The following NUDCD1 variants were observed in gnomAD, a reference collection of about 807,000 sequenced individuals.
NUDCD1 encodes the protein nudC domain-containing protein 1.
NUDCD1 carries 60 observed loss-of-function variants against 67.8 expected under a neutral mutation model. That is an observed-to-expected ratio of 0.88 (90% CI 0.72 to 1.10). The LOEUF (loss-of-function observed/expected upper bound fraction) is 1.10. NUDCD1 is among the 50% of genes least tolerant of loss of function. NUDCD1 has a pLI of 0.00. For missense variants in NUDCD1, 643 were observed against 695.0 expected (o/e 0.93, Z 0.84); for synonymous variants, 244 against 230.8 (o/e 1.06, Z -0.52).
At chr8:109,292,298 A>C (rs1011421956) in intron 4 of NUDCD1, among the ~76,000 whole-genome samples, 4 of 152,098 alleles carry the variant, frequency 2.6e-5, no homozygotes, top group Admixed American at 2.0e-4. Context: ...TTAAAGTTTA[A>C]AGTTACTGTG....
chr8:109,244,909 C>T (rs987580014), intron 9 of NUDCD1, among the ~76,000 whole-genome samples: 1 of 152,046 alleles, frequency 6.6e-6, no homozygotes, highest in Non-Finnish European at 1.5e-5. Context: ...AAGATGTCTC[C>T]TAATGTGCAT....
At chr8:109,311,557 G>GTATATATATATA (rs569380890) in intron 2 of NUDCD1, among the ~76,000 whole-genome samples, 3 of 62,686 alleles carry the variant, frequency 4.8e-5, no homozygotes, top group Admixed American at 1.5e-4. Flanking sequence ...AGAAACTGTG[G>GTATATATATATA]TGTATATATA....
At chr8:109,285,810 G>A (rs906706940) in intron 5 of NUDCD1, among the ~76,000 whole-genome samples, 2 of 152,082 alleles carry the variant, frequency 1.3e-5, no homozygotes, top group Non-Finnish European at 2.9e-5. Flanking sequence ...GTACTAACCA[G>A]AGCAATCAGG....
intron 1 of NUDCD1, among the ~76,000 whole-genome samples, chr8:109,324,120 G>C (rs887368772): frequency 2.6e-5 from 4 of 151,520 alleles, no homozygotes; most frequent in Non-Finnish European, 4.4e-5. Flanking sequence ...AAACAACCTA[G>C]TGAAGAGACA....
At chr8:109,253,585 T>A (rs1023850582) in intron 8 of NUDCD1, among the ~76,000 whole-genome samples, 1 of 152,202 alleles carries the variant, frequency 6.6e-6, no homozygotes. Context: ...GCTCACATCA[T>A]GACTTGAGAT....
chr8:109,291,192 T>C (rs1283846171), intron 4 of NUDCD1, among the ~76,000 whole-genome samples: 1 of 152,234 alleles, frequency 6.6e-6, no homozygotes, highest in Non-Finnish European at 1.5e-5. Flanking sequence ...GGTCTTACCC[T>C]GTTGCCCAAG....
intron 8 of NUDCD1, among the ~76,000 whole-genome samples, chr8:109,256,699 C>T (rs1813748404): frequency 6.6e-6 from 1 of 151,942 alleles, no homozygotes; most frequent in African/African-American, 2.4e-5. Flanking sequence ...CTAGACATCA[C>T]ATAATGAAAT....
chr8:109,248,222 C>T (rs953101296), intron 8 of NUDCD1, among the ~76,000 whole-genome samples: 1 of 152,146 alleles, frequency 6.6e-6, no homozygotes, highest in African/African-American at 2.4e-5. Context: ...TGGATTCTCC[C>T]CTAGAGCCTC....
intron 2 of NUDCD1, chr8:109,313,861 C>A: frequency 9.4e-7 from 1 of 1,059,662 alleles, no homozygotes; most frequent in Non-Finnish European, 1.3e-6. Flanking sequence ...GTACAATATC[C>A]AATAGAATGA....
At chr8:109,294,815 C>G (rs749181570) in intron 3 of NUDCD1, among the ~76,000 whole-genome samples, 3 of 151,992 alleles carry the variant, frequency 2.0e-5, no homozygotes, top group Non-Finnish European at 4.4e-5. Context: ...CCACCACCAC[C>G]CTTGGCCCCC....
rs143668430 is a variant in NUDCD1 at position 109,281,082 on chromosome 8, T to G, written c.914A>C (p.Gln305Pro). 1.2e-6 allele frequency: 2 copies of G among 1,612,916 alleles called. No individual in the cohort carries two copies. Among genetic ancestry groups the G allele is most frequent in the African/African-American group, 2.7e-5 (2 of 74,900 alleles). ...EDSTKEDIQI[Q>P]FLPDHINIVL... The stretch of plus-strand genomic sequence containing the variant: ...AATGTTGATGTGATCAGGCAAAAAC[T>G]GTATTTGAATGTCCTCCTTAGTACT... Residue 305 changes from glutamine (Q) to proline (P), a missense_variant, in exon 6 of 10, where the codon CAG (glutamine) becomes CCG (proline). Coordinates refer to ENST00000239690, the MANE Select transcript of NUDCD1 (RefSeq NM_032869.4).
intron 2 of NUDCD1, among the ~76,000 whole-genome samples, chr8:109,318,995 T>C (rs1240845399): frequency 6.7e-6 from 1 of 149,168 alleles, no homozygotes; most frequent in African/African-American, 2.5e-5. Context: ...TCTTGCTCTG[T>C]GGCCCAGGCT....
Position 109,243,266 on chromosome 8 carries a change from A to T in NUDCD1, c.1495T>A (p.Phe499Ile). 1 of 1,602,066 alleles carries T rather than the reference A, an allele frequency of 6.2e-7. No homozygotes were observed. Residue 499 changes from phenylalanine to isoleucine, a missense_variant, in exon 10 of 10, where the codon TTT becomes ATT. By Grantham distance (21) the Phe-to-Ile change is conservative (BLOSUM62 0). Coordinates refer to ENST00000239690, the MANE Select transcript of NUDCD1 (RefSeq NM_032869.4). ...TACGAGTAATTTGGAGCACAGGCAAAAAATTTTTTGTCTCTCTTTGATGCT... is the reference window on the plus strand; with the variant it reads ...TACGAGTAATTTGGAGCACAGGCAATAAATTTTTTGTCTCTCTTTGATGCT... ...VQASKRDKKF[F>I]ACAPNYSYAA...
intron 3 of NUDCD1, among the ~76,000 whole-genome samples, chr8:109,295,559 T>A (rs976285899): frequency 5.9e-5 from 9 of 152,126 alleles, no homozygotes; most frequent in Admixed American, 5.9e-4. Flanking sequence ...AACCATTTGG[T>A]TCTAAGACCT....
chr8:109,266,801 G>A (rs1315340562), intron 8 of NUDCD1, among the ~76,000 whole-genome samples: 1 of 151,938 alleles, frequency 6.6e-6, no homozygotes, highest in Non-Finnish European at 1.5e-5. Flanking sequence ...ATTCAGTTCT[G>A]ATATTTAATA....
In NUDCD1 at chr8:109,281,019, T is replaced by C. The variant is rs1554614062; in HGVS notation, c.977A>G (p.Tyr326Cys). The change falls in exon 6 of 10, where the codon TAT (tyrosine) becomes TGT (cysteine). Residue 326 changes from tyrosine to cysteine, a missense_variant. Tyr to Cys is a radical substitution (Grantham distance 194). Coordinates refer to ENST00000239690, the MANE Select transcript of NUDCD1 (RefSeq NM_032869.4). ...ACTGCTTTCATGATCAATAGATGAA[T>C]AGAGTTTTCCTTCTAAAAACTGGTG... ...KDHQFLEGKL[Y>C]SSIDHESSTW... 10 of 1,610,300 alleles carry C rather than the reference T, an allele frequency of 6.2e-6. No homozygotes were observed. The highest frequency in any genetic ancestry group is 4.4e-5 in the South Asian group (4 of 90,984).
chr8:109,289,877 G>A lies in NUDCD1; in HGVS notation c.697C>T (p.His233Tyr). The change falls in exon 5 of 10, where the codon CAT (histidine) becomes TAT (tyrosine). Residue 233 changes from histidine to tyrosine, a missense_variant. His to Tyr is a moderately conservative substitution (Grantham distance 83). Coordinates refer to ENST00000239690, the MANE Select transcript of NUDCD1 (RefSeq NM_032869.4). ...RDILRGKSVP[H>Y]YAAIEPDGNG... ...CCATCAGGCTCAATAGCAGCATAATGTGGCACTGACTTTCCACGGAGAATA... is the reference window on the plus strand; with the variant it reads ...CCATCAGGCTCAATAGCAGCATAATATGGCACTGACTTTCCACGGAGAATA... 1 of 1,544,712 alleles carries A rather than the reference G, an allele frequency of 6.5e-7. No homozygotes were observed. The highest frequency in any genetic ancestry group is 2.5e-5 in the East Asian group (1 of 40,196).
intron 2 of NUDCD1, among the ~76,000 whole-genome samples, chr8:109,308,417 A>C (rs1439729097): frequency 1.3e-5 from 2 of 152,180 alleles, no homozygotes; most frequent in Non-Finnish European, 2.9e-5. Context: ...CACCTCAAGG[A>C]ACTAGAAAAA....
rs528489306 is a variant in NUDCD1 at position 109,320,844 on chromosome 8, G to A, written c.273+1465C>T. ...GGCTTCAGCTGGTCCCTCCATTTGGGGTCCCTGACTTCCCGCAACATCATT... is the reference window on the plus strand; with the variant it reads ...GGCTTCAGCTGGTCCCTCCATTTGGAGTCCCTGACTTCCCGCAACATCATT... On this transcript the variant is annotated intron_variant, in intron 2 of 9. Transcript: ENST00000239690. Among the ~76,000 whole-genome samples, 49 of 152,152 alleles carry A rather than the reference G, an allele frequency of 3.2e-4. No homozygotes were observed. In the South Asian group the frequency reaches 9.3e-3, roughly 29 times the overall value.
Sources: gnomAD v4.1 joint callset for allele counts (sites outside exome capture counted in the v4.1 genomes callset) on GRCh38, gnomAD v4.1.1 for gene constraint, MANE v1.5 for transcripts, NCBI Gene and HGNC (gene_info 2026-07-23, HGNC 2026-07-21) for gene names.